AXDND1: variants seen among roughly 807,000 people sequenced by gnomAD.
AXDND1 encodes axonemal dynein light chain domain containing 1, also known as axonemal dynein light chain domain-containing protein 1.
A neutral mutation model predicts 137.5 loss-of-function variants in AXDND1; 110 were observed. The ratio of observed to expected loss-of-function variants is 0.80; its 90% CI spans 0.69 to 0.94. The LOEUF is 0.94. Ranked by LOEUF, AXDND1 falls within the 40% of genes least tolerant of loss-of-function variation. AXDND1 has a pLI of 0.00. For missense variants in AXDND1, 1,191 were observed against 1,169.8 expected (o/e 1.02, Z -0.26); for synonymous variants, 414 against 399.7 (o/e 1.04, Z -0.43).
At chr1:179,457,962 T>C (rs1661655689) in intron 16 of AXDND1, among the ~76,000 whole-genome samples, 1 of 151,564 alleles carries the variant, frequency 6.6e-6, no homozygotes, top group Admixed American at 6.6e-5. Context: ...GCTGATTTTC[T>C]CTTTTTTCTT....
intron 16 of AXDND1, chr1:179,456,275 A>G: frequency 1.4e-6 from 1 of 737,470 alleles, no homozygotes. Context: ...CTCCATAGCC[A>G]CCTTGGTTTT....
intron 15 of AXDND1, among the ~76,000 whole-genome samples, chr1:179,443,327 A>G (rs6425557): frequency 0.36 from 54,083 of 152,158 alleles, 9,762 homozygotes; most frequent in Middle Eastern, 0.43. Context: ...GTTTGTGCCT[A>G]TCCTATATCT....
Position 179,474,284 on chromosome 1 carries a change from T to C in AXDND1, c.1997+5643T>C, listed in dbSNP as rs536293564. The stretch of plus-strand genomic sequence containing the variant: ...ATAGCAGTGTGAGAATGGAGTAATA[T>C]AGGAAATTGGTACTGGAATTGGGGT... On this transcript the variant is annotated intron_variant, in intron 17 of 25. Coordinates refer to ENST00000367618, the MANE Select transcript of AXDND1 (RefSeq NM_144696.6). Among the ~76,000 whole-genome samples, 8 of 151,754 alleles carry C rather than the reference T, an allele frequency of 5.3e-5. 1 individual carries two copies. The South Asian group carries it at 1.7e-3, about 32-fold the overall frequency.
intron 16 of AXDND1, chr1:179,447,767 A>G: frequency 2.2e-6 from 3 of 1,343,484 alleles, no homozygotes; most frequent in Non-Finnish European, 3.2e-6. Flanking sequence ...GAAGCTCTTG[A>G]GTTTACAAAT....
At chr1:179,457,398 G>T in intron 16 of AXDND1, 1 of 382,910 alleles carries the variant, frequency 2.6e-6, no homozygotes, top group South Asian at 4.6e-5. Context: ...AGAAAGGCAA[G>T]ACAGTTTTAA....
chr1:179,519,588 T>C (rs143419479), intron 21 of AXDND1, among the ~76,000 whole-genome samples: 34 of 152,348 alleles, frequency 2.2e-4, no homozygotes, highest in African/African-American at 8.2e-4. Context: ...AGGGTTCCAG[T>C]TTCAGTTTTC....
At chr1:179,381,969 T>C (rs1040668782) in intron 6 of AXDND1, among the ~76,000 whole-genome samples, 1 of 139,714 alleles carries the variant, frequency 7.2e-6, no homozygotes, top group Admixed American at 7.4e-5. Context: ...TTTTTTTGTA[T>C]TTTTAGTAGC....
At chr1:179,513,223 A>T (rs189993363) in intron 21 of AXDND1, among the ~76,000 whole-genome samples, 5 of 152,260 alleles carry the variant, frequency 3.3e-5, no homozygotes, top group Non-Finnish European at 5.9e-5. Context: ...CTTTTAATAC[A>T]TTGAGTTATG....
chr1:179,474,636 G>T (rs1206600260), intron 17 of AXDND1, among the ~76,000 whole-genome samples: 1 of 152,182 alleles, frequency 6.6e-6, no homozygotes, highest in Non-Finnish European at 1.5e-5. Context: ...AGATGATTTA[G>T]GGTATCTGGT....
chr1:179,404,027 A>G (rs1652534742), intron 11 of AXDND1, among the ~76,000 whole-genome samples: 1 of 152,148 alleles, frequency 6.6e-6, no homozygotes, highest in South Asian at 2.1e-4. Context: ...ATTTCTCTTG[A>G]CTATGAATGT....
At chr1:179,543,255 A>G (rs560540965) in intron 25 of AXDND1, 1 of 152,174 alleles carries the variant, frequency 6.6e-6, no homozygotes, top group Non-Finnish European at 1.5e-5. Context: ...TTAGCAAATC[A>G]CTGTGCTCTG....
intron 19 of AXDND1, among the ~76,000 whole-genome samples, chr1:179,492,117 A>G (rs1474493942): frequency 1.3e-5 from 2 of 152,192 alleles, no homozygotes; most frequent in Non-Finnish European, 2.9e-5. Context: ...TCTGTCACCG[A>G]GGCTAGAATG....
At chr1:179,463,144 T>C (rs1162129186) in intron 16 of AXDND1, among the ~76,000 whole-genome samples, 1 of 152,238 alleles carries the variant, frequency 6.6e-6, no homozygotes, top group African/African-American at 2.4e-5. Context: ...TGTTAGTTAT[T>C]TCTTGCCTTC....
In AXDND1 at chr1:179,528,356, A is replaced by G; in HGVS notation, c.2640A>G (p.Lys880=). The G allele has an allele frequency of 6.2e-7, 1 of 1,613,680 alleles. No homozygotes were observed. The highest frequency in any genetic ancestry group is 8.5e-7 in the Non-Finnish European group (1 of 1,179,790). Residue 880 remains lysine (K), a synonymous_variant, in exon 23 of 26, where the codon AAA becomes AAG. Coordinates refer to ENST00000367618, the MANE Select transcript of AXDND1 (RefSeq NM_144696.6). The part of the protein sequence containing the change: ...EQPSTSTEKE[K]LIRFIGEDEN... ...CTTCAACATCTACAGAGAAGGAAAA[A>G]CTCATTCGATTCATTGGAGAAGATG...
At chr1:179,539,371 G>A (rs988673932) in intron 25 of AXDND1, among the ~76,000 whole-genome samples, 2 of 152,198 alleles carry the variant, frequency 1.3e-5, no homozygotes, top group African/African-American at 4.8e-5. Flanking sequence ...AGGAGCTCTT[G>A]TAAGGCAGAC....
At chr1:179,374,431 T>A (rs1442769957) in intron 4 of AXDND1, among the ~76,000 whole-genome samples, 1 of 152,166 alleles carries the variant, frequency 6.6e-6, no homozygotes, top group Non-Finnish European at 1.5e-5. Context: ...TCCTCAAGGA[T>A]CTAGAACTAG....
At chr1:179,481,670 CG>C (rs1665406086) in intron 17 of AXDND1, among the ~76,000 whole-genome samples, 1 of 152,160 alleles carries the variant, frequency 6.6e-6, no homozygotes, top group Non-Finnish European at 1.5e-5. Flanking sequence ...TTTTAATGAT[CG>C]CCATTCTAAC....
At chr1:179,503,094 T>TAA (rs11397892) in intron 20 of AXDND1, among the ~76,000 whole-genome samples, 154 of 136,812 alleles carry the variant, frequency 1.1e-3, no homozygotes, top group South Asian at 8.6e-3. Context: ...AAACTCCGTG[T>TAA]AAAAAAAAAA....
At chr1:179,500,498 G>C (rs1164855896) in intron 20 of AXDND1, among the ~76,000 whole-genome samples, 1 of 151,836 alleles carries the variant, frequency 6.6e-6, no homozygotes, top group Non-Finnish European at 1.5e-5. Context: ...TTTCTTTCTA[G>C]AGTATATTTC....
Sources: allele counts gnomAD v4.1 joint callset (sites outside exome capture counted in the v4.1 genomes callset), GRCh38; gene constraint gnomAD v4.1.1; transcripts MANE v1.5; gene names NCBI Gene and HGNC (gene_info 2026-07-23, HGNC 2026-07-21).